ALKBH5: variants seen among roughly 807,000 people sequenced by gnomAD.
ALKBH5 encodes the protein alkB homolog 5, RNA demethylase.
ALKBH5 carries 2 observed loss-of-function variants against 32.1 expected under a neutral mutation model. The ratio of observed to expected loss-of-function variants is 0.06; its 90% CI spans 0.03 to 0.20. The LOEUF (loss-of-function observed/expected upper bound fraction) is 0.20, where lower values mean the gene tolerates loss of function less well. Ranked by LOEUF, ALKBH5 falls within the 10% of genes least tolerant of loss-of-function variation. ALKBH5 has a pLI of 1.00. For synonymous variants in ALKBH5, 300 were observed against 231.7 expected (o/e 1.29, Z -2.68); for missense variants, 352 against 559.5 (o/e 0.63, Z 3.74).
At chr17:18,206,782 C>A (rs1330318405) in intron 2 of ALKBH5, 33 bp from the exon 3 acceptor site, 2 of 1,608,310 alleles carry the variant, frequency 1.2e-6, no homozygotes, top group East Asian at 2.2e-5. Flanking sequence ...CACCGGAGGC[C>A]CTTTGGTGAC....
chr17:18,192,854 C>CTTTTTTTT (rs201150139), intron 1 of ALKBH5, among the ~76,000 whole-genome samples: 51 of 115,574 alleles, frequency 4.4e-4, no homozygotes, highest in Non-Finnish European at 6.5e-4. Context: ...CTGTCTTTTT[C>CTTTTTTTT]TTTTTTTTTT....
intron 2 of ALKBH5, among the ~76,000 whole-genome samples, chr17:18,200,188 G>C (rs1005828073): frequency 1.3e-5 from 2 of 151,664 alleles, no homozygotes; most frequent in Non-Finnish European, 2.9e-5. Flanking sequence ...TGGCCCCTGA[G>C]CTAGAAATTG....
intron 1 of ALKBH5, among the ~76,000 whole-genome samples, chr17:18,186,361 C>T (rs1479421217): frequency 6.6e-6 from 1 of 152,128 alleles, no homozygotes; most frequent in South Asian, 2.1e-4. Context: ...CAGGACACAC[C>T]CTCTCCGGGT....
At chr17:18,196,629 C>G (rs959727651) in intron 2 of ALKBH5, among the ~76,000 whole-genome samples, 2 of 152,148 alleles carry the variant, frequency 1.3e-5, no homozygotes, top group Non-Finnish European at 2.9e-5. Context: ...TACTACATAA[C>G]CAAGAATATA....
At chr17:18,202,776 T>A (rs950808246) in intron 2 of ALKBH5, among the ~76,000 whole-genome samples, 42 of 150,990 alleles carry the variant, frequency 2.8e-4, no homozygotes, top group African/African-American at 1.0e-3. Context: ...TATTTTTTAA[T>A]TAAAAAAAAA....
At chr17:18,190,743 T>C (rs897980782) in intron 1 of ALKBH5, among the ~76,000 whole-genome samples, 1 of 152,114 alleles carries the variant, frequency 6.6e-6, no homozygotes, top group Non-Finnish European at 1.5e-5. Flanking sequence ...GAGCTTTGTC[T>C]TGAAGGGAAG....
At chr17:18,206,118 T>G (rs1181273468) in intron 2 of ALKBH5, among the ~76,000 whole-genome samples, 4 of 152,144 alleles carry the variant, frequency 2.6e-5, no homozygotes, top group Non-Finnish European at 4.4e-5. Flanking sequence ...TCCATCCCCC[T>G]CTTCCTCATC....
At chr17:18,192,550 AG>A (rs1436454809) in intron 1 of ALKBH5, among the ~76,000 whole-genome samples, 2 of 152,246 alleles carry the variant, frequency 1.3e-5, no homozygotes, top group Admixed American at 1.3e-4. Flanking sequence ...TTACAGATGA[AG>A]AAACTGTACA....
At chr17:18,194,919 A>T (rs769093241) in intron 1 of ALKBH5, 36 bp from the exon 2 acceptor site, 1 of 1,604,274 alleles carries the variant, frequency 6.2e-7, no homozygotes, top group South Asian at 1.1e-5. Flanking sequence ...TTGTCTGTCT[A>T]CTCTTCATGG....
intron 2 of ALKBH5, among the ~76,000 whole-genome samples, chr17:18,200,089 T>TC (rs2047227270): frequency 1.5e-5 from 2 of 134,464 alleles, no homozygotes; most frequent in Admixed American, 7.7e-5. Context: ...AGAGCGAGAC[T>TC]CCATCTCAAA....
At chr17:18,208,165 C>T (rs1253981648) in intron 3 of ALKBH5, 54 bp from the exon 4 acceptor site, 18 of 1,547,600 alleles carry the variant, frequency 1.2e-5, no homozygotes, top group Non-Finnish European at 1.6e-5. Flanking sequence ...AGCGGTAAAG[C>T]CAGGCGCCTC....
rs750655723 is a variant in ALKBH5 at position 18,208,316 on chromosome 17, C to T, written c.1105C>T (p.Arg369Cys). The T allele has an allele frequency of 5.6e-6, 9 of 1,613,964 alleles. No homozygotes were observed. The highest frequency in any genetic ancestry group is 2.7e-5 in the African/African-American group (2 of 74,878). Reference protein sequence around the residue: ...RGSFSSENYWRKSYESSEDCS... With the variant: ...RGSFSSENYWCKSYESSEDCS... ...TAGCTTCAGCTCTGAGAACTACTGG[C>T]GCAAGTCATACGAGTCCTCAGAGGA... is the stretch of plus-strand genomic sequence containing the variant. The change falls in exon 4 of 4, where the codon CGC (arginine) becomes TGC (cysteine). Residue 369 changes from arginine (R) to cysteine (C), a missense_variant. This residue lies in a region of ALKBH5 where 124 missense variants were observed against 142.4 expected (regional missense o/e 0.87). Transcript: ENST00000399138.
At chr17:18,187,712 A>T (rs2047148022) in intron 1 of ALKBH5, among the ~76,000 whole-genome samples, 1 of 152,172 alleles carries the variant, frequency 6.6e-6, no homozygotes, top group African/African-American at 2.4e-5. Flanking sequence ...CCCGTCGTCA[A>T]ATCCTGCATA....
In ALKBH5 at chr17:18,192,741, G is replaced by A. The variant is rs147700402; in HGVS notation, c.771-2214G>A. Among the ~76,000 whole-genome samples the A allele has an allele frequency of 7.1e-3, 1,075 of 152,116 alleles. 6 individuals are homozygous for A. The highest frequency in any genetic ancestry group is 8.1e-3 in the Non-Finnish European group (550 of 67,980). On this transcript the variant is annotated intron_variant, in intron 1 of 3. Transcript: ENST00000399138. ...CTTTGGTAAGTGCTCAAAGTCAGTG[G>A]GTTCTTTTGCTGTAGTAATTCTCAT...
At position 18,208,817 on chromosome 17, in the gene ALKBH5, G is replaced by A. The variant is rs1425176220; in HGVS notation, c.*421G>A. The A allele has an allele frequency of 1.6e-5, 5 of 304,550 alleles. No individual in the cohort carries two copies. In the East Asian group the frequency reaches 4.6e-4, roughly 28 times the overall value. The allele number at this position is 304,550 out of a possible 1,614,324, so 18.9% of individuals were successfully genotyped here. On this transcript the variant is annotated 3_prime_UTR_variant, in exon 4 of 4. Transcript: ENST00000399138. ...CTAAACAAAGTTCAGTCTTCTGCTC[G>A]CCCCTTTCCCTCACTGATGTCTGCA...
chr17:18,199,158 G>C (rs1172324952), intron 2 of ALKBH5, among the ~76,000 whole-genome samples: 3 of 152,208 alleles, frequency 2.0e-5, no homozygotes, highest in Non-Finnish European at 4.4e-5. Context: ...AGAGAGTGGG[G>C]TGAGGCAGCA....
At position 18,183,915 on chromosome 17, in the gene ALKBH5, G is replaced by T. The variant is rs1269026080; in HGVS notation, c.-329G>T. ...AGAGCTTTAAAGTGCGGGCCGGGCC[G>T]GGCGTCCGAGGGTCTGGTCGGGAGT... On this transcript the variant is annotated 5_prime_UTR_variant, in exon 1 of 4. Transcript: ENST00000399138. 1.1e-4 allele frequency: 56 copies of T among 521,898 alleles called. No individual in the cohort carries two copies. 32.3% of individuals were successfully genotyped at this position (521,898 alleles called of 1,614,324 possible). A position where few individuals can be genotyped will look rare whatever the true frequency, so the allele number is the denominator to read the frequency against.
At chr17:18,205,287 A>G (rs16960990) in intron 2 of ALKBH5, among the ~76,000 whole-genome samples, 32,131 of 152,102 alleles carry the variant, frequency 0.21, 3,709 homozygotes, top group Middle Eastern at 0.31. Context: ...GCAGTGCCAA[A>G]ACTAGATCAT....
At chr17:18,203,959 T>TG (rs903092947) in intron 2 of ALKBH5, among the ~76,000 whole-genome samples, 8 of 152,204 alleles carry the variant, frequency 5.3e-5, no homozygotes, top group Non-Finnish European at 1.2e-4. Flanking sequence ...CTGGGGCTTT[T>TG]GGGGCACACA....
Sources: gnomAD v4.1 joint callset for allele counts (sites outside exome capture counted in the v4.1 genomes callset) on GRCh38, gnomAD v4.1.1 for gene constraint, gnomAD v4.1.1 regional missense constraint, MANE v1.5 for transcripts, NCBI Gene and HGNC (gene_info 2026-07-23, HGNC 2026-07-21) for gene names.